RABL3: variants seen among roughly 807,000 people sequenced by gnomAD.
RABL3 encodes rab-like protein 3.
In RABL3, 31 loss-of-function variants were observed where a neutral mutation model predicts 31.8. That is an observed-to-expected ratio of 0.97 (90% CI 0.73 to 1.31). The LOEUF (loss-of-function observed/expected upper bound fraction) is 1.31, where lower values mean the gene tolerates loss of function less well. RABL3 is among the 40% of genes most tolerant of loss of function. The probability of loss-of-function intolerance (pLI) is 0.00; values close to 1 mark genes in which losing one functional copy is unlikely to be tolerated. For synonymous variants in RABL3, 97 were observed against 99.9 expected (o/e 0.97, Z 0.18); for missense variants, 263 against 279.6 (o/e 0.94, Z 0.42).
chr3:120,738,998 C>T (rs1300854187), intron 1 of RABL3, among the ~76,000 whole-genome samples: 2 of 152,142 alleles, frequency 1.3e-5, no homozygotes, highest in African/African-American at 4.8e-5. Context: ...CTGCCACCAG[C>T]CATACACTTG....
At chr3:120,721,224 C>A (rs1394966565) in intron 2 of RABL3, among the ~76,000 whole-genome samples, 2 of 152,148 alleles carry the variant, frequency 1.3e-5, no homozygotes, top group Non-Finnish European at 2.9e-5. Flanking sequence ...CCAGCCACTG[C>A]AAAAACATGC....
At chr3:120,742,070 C>T (rs1182870447) in intron 1 of RABL3, among the ~76,000 whole-genome samples, 1 of 152,042 alleles carries the variant, frequency 6.6e-6, no homozygotes, top group East Asian at 1.9e-4. Context: ...CGTTTGACTT[C>T]CTTAATGAAC....
chr3:120,725,498 G>GCA, intron 2 of RABL3, among the ~76,000 whole-genome samples: 1 of 152,150 alleles, frequency 6.6e-6, no homozygotes, highest in Non-Finnish European at 1.5e-5. Flanking sequence ...ACATGCACAC[G>GCA]TATGTTTACT....
intron 2 of RABL3, among the ~76,000 whole-genome samples, chr3:120,713,435 G>A (rs1708633457): frequency 6.6e-6 from 1 of 152,160 alleles, no homozygotes; most frequent in Non-Finnish European, 1.5e-5. Flanking sequence ...AATTTCCAAG[G>A]GAAAGCTTGA....
rs567951443 is a variant in RABL3, at chr3:120,712,537, C to T, written c.139-2628G>A. ...GCGACTTCAGTTAAGTCTTTCTGAT[C>T]CTACCTTCCTTCTGGGCCCAAATCA... is the stretch of plus-strand genomic sequence containing the variant. On this transcript the variant is annotated intron_variant, in intron 2 of 7. Coordinates refer to ENST00000273375, the MANE Select transcript of RABL3 (RefSeq NM_173825.5). 6.6e-5 allele frequency among the ~76,000 whole-genome samples: 10 copies of T among 151,942 alleles called. No individual in the cohort carries two copies. The East Asian group carries it at 1.9e-3, about 29-fold the overall frequency.
At chr3:120,719,104 C>A (rs1708704692) in intron 2 of RABL3, among the ~76,000 whole-genome samples, 3 of 152,138 alleles carry the variant, frequency 2.0e-5, no homozygotes, top group Non-Finnish European at 2.9e-5. Flanking sequence ...GAAGATTTAA[C>A]AAATGATTAA....
Position 120,686,701 on chromosome 3 carries a change from A to T in RABL3, c.*3122T>A, listed in dbSNP as rs760861457. On this transcript the variant is annotated 3_prime_UTR_variant, in exon 8 of 8. Coordinates refer to ENST00000273375, the MANE Select transcript of RABL3 (RefSeq NM_173825.5). ...ACAGATTATTGAGAAAAGCACACACATTTATTTACTGTAAGTTTTACATGA... is the reference window on the plus strand; with the variant it reads ...ACAGATTATTGAGAAAAGCACACACTTTTATTTACTGTAAGTTTTACATGA... 7 of 152,246 alleles carry T rather than the reference A, an allele frequency of 4.6e-5. No homozygotes were observed. The highest frequency in any genetic ancestry group is 2.6e-4 in the Admixed American group (4 of 15,282). 9.4% of individuals were successfully genotyped at this position (152,246 alleles called of 1,614,324 possible). A position where few individuals can be genotyped will look rare whatever the true frequency, so the allele number is the denominator to read the frequency against.
chr3:120,693,601 A>C (rs1328258012), intron 6 of RABL3, among the ~76,000 whole-genome samples: 1 of 152,162 alleles, frequency 6.6e-6, no homozygotes, highest in Admixed American at 6.5e-5. Context: ...CTAATTTACC[A>C]GTATGCTGAG....
chr3:120,720,964 A>G (rs1056110376), intron 2 of RABL3, among the ~76,000 whole-genome samples: 1 of 151,976 alleles, frequency 6.6e-6, no homozygotes, highest in Non-Finnish European at 1.5e-5. Flanking sequence ...AAAGGGAAGC[A>G]CATCAGACTA....
Position 120,701,572 on chromosome 3 carries a change from C to A in RABL3, c.384-2999G>T, listed in dbSNP as rs1398872385. Among the ~76,000 whole-genome samples, 3 of 152,042 alleles carry A rather than the reference C, an allele frequency of 2.0e-5. No homozygotes were observed. The East Asian group carries it at 5.8e-4, about 29-fold the overall frequency. ...AGAAATTTTAGTAGAAAATAGAGAA[C>A]AAGCTAGGTTAATGAAGACATCAGT... On this transcript the variant is annotated intron_variant, in intron 4 of 7. Transcript: ENST00000273375.
chr3:120,703,371 G>GA (rs1269548836), intron 4 of RABL3, among the ~76,000 whole-genome samples: 1 of 152,016 alleles, frequency 6.6e-6, no homozygotes, highest in African/African-American at 2.4e-5. Context: ...AGGAGTATTA[G>GA]AAAATATTTT....
intron 2 of RABL3, among the ~76,000 whole-genome samples, chr3:120,724,824 T>G (rs1173652557): frequency 6.6e-6 from 1 of 151,966 alleles, no homozygotes; most frequent in Non-Finnish European, 1.5e-5. Context: ...GACTTAAATG[T>G]TAGACCTAAA....
chr3:120,697,664 T>C (rs796427613), intron 5 of RABL3, among the ~76,000 whole-genome samples: 1 of 152,196 alleles, frequency 6.6e-6, no homozygotes, highest in African/African-American at 2.4e-5. Flanking sequence ...ATCCTCTATA[T>C]ATGCATAAGT....
intron 2 of RABL3, among the ~76,000 whole-genome samples, chr3:120,716,690 A>G (rs1015596127): frequency 6.7e-4 from 101 of 151,398 alleles, no homozygotes; most frequent in African/African-American, 2.4e-3. Context: ...TGTATTCATC[A>G]ATCTACACTA....
rs1330843825 is a variant in RABL3, at chr3:120,686,706, T to C, written c.*3117A>G. ...TTATTGAGAAAAGCACACACATTTA[T>C]TTACTGTAAGTTTTACATGACAGGA... On this transcript the variant is annotated 3_prime_UTR_variant, in exon 8 of 8. Transcript: ENST00000273375. 6.6e-6 allele frequency: 1 copy of C among 152,180 alleles called. No individual in the cohort carries two copies. Among genetic ancestry groups the C allele is most frequent in the Non-Finnish European group, 1.5e-5 (1 of 68,038 alleles). 9.4% of individuals were successfully genotyped at this position (152,180 alleles called of 1,614,324 possible). A position where few individuals can be genotyped will look rare whatever the true frequency, so the allele number is the denominator to read the frequency against.
At chr3:120,729,083 C>T (rs114081107) in intron 2 of RABL3, among the ~76,000 whole-genome samples, 2,625 of 152,010 alleles carry the variant, frequency 0.017, 24 homozygotes, top group Non-Finnish European at 0.025. Context: ...TGATGAGGTG[C>T]CCAGTCAGTG....
At chr3:120,696,916 A>G (rs1708443856) in intron 5 of RABL3, among the ~76,000 whole-genome samples, 1 of 152,198 alleles carries the variant, frequency 6.6e-6, no homozygotes, top group South Asian at 2.1e-4. Flanking sequence ...GCAGAATGTA[A>G]AAAACAATGG....
intron 6 of RABL3, among the ~76,000 whole-genome samples, chr3:120,692,366 T>G (rs1000771975): frequency 6.0e-5 from 9 of 150,544 alleles, no homozygotes; most frequent in African/African-American, 2.3e-4. Context: ...ACTCAGCTAA[T>G]TTTTTGTATT....
Position 120,706,004 on chromosome 3 carries a change from T to A in RABL3, c.379A>T (p.Asn127Tyr), listed in dbSNP as rs1036213427. 3 of 1,597,960 alleles carry A rather than the reference T, an allele frequency of 1.9e-6. No homozygotes were observed. The highest frequency in any genetic ancestry group is 2.7e-5 in the African/African-American group (2 of 74,560). ...CCAATTGTGAAATTGGCTCACCCAT[T>A]TGTCACCAAGACTCCAGTTGGCACC... Reference protein sequence around the residue: ...DLVPTGVLVTNGDYDQEQFAD... With the variant: ...DLVPTGVLVTYGDYDQEQFAD... Residue 127 changes from asparagine (N) to tyrosine (Y), a missense_variant, in exon 4 of 8, where the codon AAT (asparagine) becomes TAT (tyrosine). Physicochemically the swap from Asn to Tyr is moderately radical, Grantham distance 143. Coordinates refer to ENST00000273375, the MANE Select transcript of RABL3 (RefSeq NM_173825.5).
Sources: gnomAD v4.1 joint callset for allele counts (sites outside exome capture counted in the v4.1 genomes callset) on GRCh38, gnomAD v4.1.1 for gene constraint, MANE v1.5 for transcripts, NCBI Gene and HGNC (gene_info 2026-07-23, HGNC 2026-07-21) for gene names.